Variants in CFAP210 observed in about 807,000 individuals in gnomAD.
CFAP210 encodes the protein cilia and flagella associated protein 210.
the CFAP210 span, among the ~76,000 whole-genome samples, chr2:169,675,650 T>C: frequency 7.0e-4 from 107 of 152,278 alleles, 2 homozygotes; most frequent in African/African-American, 2.5e-3. Flanking sequence ...CCTCCAACAC[T>C]GGGAATTACA....
chr2:169,684,159 G>T, the CFAP210 span, among the ~76,000 whole-genome samples: 1 of 152,096 alleles, frequency 6.6e-6, no homozygotes, highest in Non-Finnish European at 1.5e-5. Context: ...GGACATGAAA[G>T]ACAGAGACAG....
the CFAP210 span, among the ~76,000 whole-genome samples, chr2:169,651,407 T>A: frequency 1.9e-3 from 281 of 151,238 alleles, 1 homozygote; most frequent in Middle Eastern, 6.8e-3. Flanking sequence ...AGAAAAAAAA[T>A]TTTTTTTGAG....
At chr2:169,677,841 A>G in the CFAP210 span, among the ~76,000 whole-genome samples, 1 of 152,246 alleles carries the variant, frequency 6.6e-6, no homozygotes, top group Non-Finnish European at 1.5e-5. Flanking sequence ...AGAAGGGACT[A>G]GAACTAATAA....
At chr2:169,687,815 C>A in the CFAP210 span, among the ~76,000 whole-genome samples, 1 of 152,252 alleles carries the variant, frequency 6.6e-6, no homozygotes, top group African/African-American at 2.4e-5. Flanking sequence ...TCCGGCCCCA[C>A]AATTCCCTTC....
chr2:169,650,255 G>T, the CFAP210 span: 2 of 1,353,500 alleles, frequency 1.5e-6, no homozygotes, highest in Non-Finnish European at 1.9e-6. Context: ...TAGAGAGGCA[G>T]ATGAGATGGA....
the CFAP210 span, chr2:169,694,153 A>G: frequency 9.8e-7 from 1 of 1,016,116 alleles, no homozygotes; most frequent in Non-Finnish European, 1.5e-6. Context: ...GACCTGGTGG[A>G]GTCCATTTCA....
the CFAP210 span, among the ~76,000 whole-genome samples, chr2:169,671,715 C>T: frequency 6.6e-6 from 1 of 152,172 alleles, no homozygotes; most frequent in Non-Finnish European, 1.5e-5. Context: ...AGTGATCCAC[C>T]CACCTCGGCC....
the CFAP210 span, among the ~76,000 whole-genome samples, chr2:169,677,399 G>A: frequency 2.0e-5 from 3 of 152,142 alleles, no homozygotes; most frequent in African/African-American, 7.2e-5. Context: ...AAGCTTGGTT[G>A]AATATTTAAA....
the CFAP210 span, among the ~76,000 whole-genome samples, chr2:169,679,921 T>G: frequency 6.6e-6 from 1 of 152,134 alleles, no homozygotes; most frequent in Non-Finnish European, 1.5e-5. Flanking sequence ...TAAACCATAC[T>G]TCACTAAAAG....
chr2:169,661,435 C>T, the CFAP210 span: 1 of 354,512 alleles, frequency 2.8e-6, no homozygotes, highest in Non-Finnish European at 5.4e-6. Context: ...TCTCCTCTGC[C>T]CTCCAGGGGC....
the CFAP210 span, among the ~76,000 whole-genome samples, chr2:169,670,205 CGGTGT>C: frequency 1.3e-5 from 2 of 152,062 alleles, no homozygotes; most frequent in African/African-American, 4.8e-5. Context: ...TCTATAGCTA[CGGTGT>C]TAAGTTTCTT....
chr2:169,677,779 T>G, the CFAP210 span, among the ~76,000 whole-genome samples: 1 of 152,140 alleles, frequency 6.6e-6, no homozygotes, highest in Admixed American at 6.5e-5. Flanking sequence ...AAAACTGTCT[T>G]TATTCTCTGA....
chr2:169,668,680 A>C, the CFAP210 span, among the ~76,000 whole-genome samples: 6 of 152,188 alleles, frequency 3.9e-5, no homozygotes, highest in Admixed American at 3.9e-4. Context: ...AAAGAGAGAG[A>C]GATAGGAGAA....
the CFAP210 span, chr2:169,650,519 A>G: frequency 6.5e-7 from 1 of 1,533,004 alleles, no homozygotes; most frequent in South Asian, 1.3e-5. Flanking sequence ...TTTCTCCATA[A>G]GCCTATAACA....
At chr2:169,694,291 G>A in the CFAP210 span, 16 of 1,614,028 alleles carry the variant, frequency 9.9e-6, no homozygotes, top group Non-Finnish European at 1.3e-5. Context: ...CCACAGCGCC[G>A]TCCAAACCGT....
chr2:169,682,359 C>T, the CFAP210 span, among the ~76,000 whole-genome samples: 3 of 152,106 alleles, frequency 2.0e-5, no homozygotes, highest in Admixed American at 2.0e-4. Flanking sequence ...CCATGGCAAC[C>T]GGCTTTGTGT....
chr2:169,645,454 C>G, the CFAP210 span: 1 of 164,186 alleles, frequency 6.1e-6, no homozygotes, highest in Non-Finnish European at 1.3e-5. Context: ...TTCAAAATAC[C>G]CAGTATAGGC....
the CFAP210 span, among the ~76,000 whole-genome samples, chr2:169,668,093 A>G: frequency 6.6e-6 from 1 of 152,208 alleles, no homozygotes; most frequent in South Asian, 2.1e-4. Flanking sequence ...ACCTTCATCA[A>G]TGATTTTAGC....
the CFAP210 span, among the ~76,000 whole-genome samples, chr2:169,679,259 T>A: frequency 4.1e-4 from 62 of 152,198 alleles, no homozygotes; most frequent in African/African-American, 1.5e-3. Context: ...AAAGGCTACA[T>A]GCGCAGGTTT....
Sources: gnomAD v4.1 joint callset for allele counts (sites outside exome capture counted in the v4.1 genomes callset) on GRCh38, gnomAD v4.1.1 for gene constraint, MANE v1.5 for transcripts, NCBI Gene and HGNC (gene_info 2026-07-23, HGNC 2026-07-21) for gene names.